The following TRPM3 variants were observed in gnomAD, a reference collection of about 807,000 sequenced individuals.
TRPM3 encodes the protein transient receptor potential cation channel subfamily M member 3.
Under a neutral mutation model 181.2 loss-of-function variants are expected in TRPM3, and 77 were observed. The ratio of observed to expected loss-of-function variants is 0.42; its 90% CI spans 0.35 to 0.51. The LOEUF (loss-of-function observed/expected upper bound fraction) is 0.51, where lower values mean the gene tolerates loss of function less well. TRPM3 is among the 20% of genes least tolerant of loss of function. The pLI is 0.01. For missense variants in TRPM3, 1,759 were observed against 2,196.7 expected (o/e 0.80, Z 3.98); for synonymous variants, 745 against 796.4 (o/e 0.94, Z 1.09).
Position 70,687,086 on chromosome 9 carries a change from C to T in TRPM3, c.1273-5508G>A, listed in dbSNP as rs183023659. Among the ~76,000 whole-genome samples, 42 of 152,146 alleles carry T rather than the reference C, an allele frequency of 2.8e-4. 1 individual carries two copies. Among genetic ancestry groups the T allele is most frequent in the Admixed American group, 1.6e-3 (24 of 15,284 alleles). ...TTGGGATCACGGGTGTCAGCCACTG[C>T]GCTGGATCTGAAACACTAGTTTCTA... On this transcript the variant is annotated intron_variant, in intron 8 of 25. Coordinates refer to ENST00000677713, the MANE Select transcript of TRPM3 (RefSeq NM_001366145.2).
intron 22 of TRPM3, among the ~76,000 whole-genome samples, chr9:70,557,292 G>A (rs2047950524): frequency 6.6e-6 from 1 of 152,184 alleles, no homozygotes; most frequent in Admixed American, 6.5e-5. Context: ...ACATTATCTA[G>A]TTTCTACAGC....
intron 1 of TRPM3, among the ~76,000 whole-genome samples, chr9:71,093,926 G>C (rs1390378774): frequency 6.6e-6 from 1 of 152,086 alleles, no homozygotes; most frequent in African/African-American, 2.4e-5. Context: ...ATGAGTTTAT[G>C]TCCTTTGCAG....
intron 1 of TRPM3, among the ~76,000 whole-genome samples, chr9:71,247,877 T>G (rs2082126113): frequency 6.6e-6 from 1 of 152,170 alleles, no homozygotes; most frequent in South Asian, 2.1e-4. Flanking sequence ...AATTTATATT[T>G]TATAACAAAT....
intron 12 of TRPM3, among the ~76,000 whole-genome samples, chr9:70,629,067 G>A (rs1299540651): frequency 6.6e-6 from 1 of 151,816 alleles, no homozygotes; most frequent in Non-Finnish European, 1.5e-5. Flanking sequence ...AACATTTTTA[G>A]AAAATGGCTA....
chr9:70,857,197 G>A (rs546984073), intron 3 of TRPM3, among the ~76,000 whole-genome samples: 4 of 152,140 alleles, frequency 2.6e-5, no homozygotes, highest in South Asian at 2.1e-4. Flanking sequence ...CTGGTTGTTC[G>A]GGAATAGCTT....
intron 1 of TRPM3, among the ~76,000 whole-genome samples, chr9:71,434,556 G>A (rs1323588541): frequency 6.6e-6 from 1 of 152,084 alleles, no homozygotes; most frequent in Non-Finnish European, 1.5e-5. Flanking sequence ...GATATTCTAG[G>A]GAAAACTATC....
At chr9:71,028,222 A>G (rs1464938892) in intron 1 of TRPM3, among the ~76,000 whole-genome samples, 2 of 152,194 alleles carry the variant, frequency 1.3e-5, no homozygotes, top group Non-Finnish European at 2.9e-5. Context: ...AGTAAGCTTT[A>G]TAAGTGAAGG....
chr9:70,815,327 T>C (rs1180196273), intron 6 of TRPM3, among the ~76,000 whole-genome samples: 1 of 152,152 alleles, frequency 6.6e-6, no homozygotes, highest in Non-Finnish European at 1.5e-5. Flanking sequence ...TTCCATTTTA[T>C]TACTGTAAAC....
At chr9:71,350,856 G>C (rs2091584239) in intron 1 of TRPM3, among the ~76,000 whole-genome samples, 1 of 152,168 alleles carries the variant, frequency 6.6e-6, no homozygotes, top group South Asian at 2.1e-4. Context: ...ACATTTGAAA[G>C]ATCAATGGTA....
intron 1 of TRPM3, among the ~76,000 whole-genome samples, chr9:71,347,977 GA>G (rs1400270092): frequency 6.6e-6 from 1 of 151,906 alleles, no homozygotes; most frequent in Non-Finnish European, 1.5e-5. Context: ...CTCTGGTTGA[GA>G]AAAAAGTTAA....
At chr9:70,694,983 G>A (rs2069870043) in intron 8 of TRPM3, among the ~76,000 whole-genome samples, 1 of 152,052 alleles carries the variant, frequency 6.6e-6, no homozygotes, top group East Asian at 1.9e-4. Flanking sequence ...CCCCCTATTC[G>A]GGAAAACCCG....
At chr9:71,211,284 CT>C (rs2079481763) in intron 1 of TRPM3, among the ~76,000 whole-genome samples, 1 of 152,000 alleles carries the variant, frequency 6.6e-6, no homozygotes, top group Non-Finnish European at 1.5e-5. Flanking sequence ...GTTCTGCTTC[CT>C]TTTTCTATTC....
intron 1 of TRPM3, among the ~76,000 whole-genome samples, chr9:71,264,200 G>T (rs1397588103): frequency 6.6e-6 from 1 of 152,000 alleles, no homozygotes; most frequent in Non-Finnish European, 1.5e-5. Flanking sequence ...AGAATGAAAA[G>T]GACAAGTAAC....
chr9:71,261,913 G>A (rs2083082661), intron 1 of TRPM3, among the ~76,000 whole-genome samples: 2 of 152,126 alleles, frequency 1.3e-5, no homozygotes, highest in Admixed American at 1.3e-4. Context: ...ATGCCAGTGG[G>A]AGCTCTCATG....
intron 1 of TRPM3, among the ~76,000 whole-genome samples, chr9:71,421,927 C>T (rs2093781959): frequency 6.6e-6 from 1 of 151,996 alleles, no homozygotes; most frequent in South Asian, 2.1e-4. Context: ...TATCTTCCCA[C>T]AATTTGCCAC....
chr9:70,812,506 T>A (rs2092215328), intron 6 of TRPM3, among the ~76,000 whole-genome samples: 1 of 152,198 alleles, frequency 6.6e-6, no homozygotes, highest in East Asian at 1.9e-4. Flanking sequence ...GCAACTACTG[T>A]ACATTTTCCA....
chr9:70,890,290 G>C (rs781417037), intron 1 of TRPM3, among the ~76,000 whole-genome samples: 2 of 151,734 alleles, frequency 1.3e-5, no homozygotes, highest in Non-Finnish European at 2.9e-5. Context: ...GCAAACGTGA[G>C]GCTATCTCTT....
intron 6 of TRPM3, among the ~76,000 whole-genome samples, chr9:70,822,223 C>G (rs1033289852): frequency 6.6e-6 from 1 of 152,222 alleles, no homozygotes; most frequent in Non-Finnish European, 1.5e-5. Flanking sequence ...TGCGTGGAAT[C>G]TCACCGCTTC....
At chr9:70,607,633 A>G (rs2061389588) in intron 19 of TRPM3, among the ~76,000 whole-genome samples, 1 of 152,150 alleles carries the variant, frequency 6.6e-6, no homozygotes, top group East Asian at 1.9e-4. Flanking sequence ...TCGCCTGGGA[A>G]GCTGGTTAAA....
Sources: gnomAD v4.1 joint callset for allele counts (sites outside exome capture counted in the v4.1 genomes callset) on GRCh38, gnomAD v4.1.1 for gene constraint, MANE v1.5 for transcripts, NCBI Gene and HGNC (gene_info 2026-07-23, HGNC 2026-07-21) for gene names.